Variants in GLDC observed in about 807,000 individuals in gnomAD.
GLDC encodes glycine dehydrogenase (decarboxylating), mitochondrial.
GLDC carries 104 observed loss-of-function variants against 121.3 expected under a neutral mutation model. That is an observed-to-expected ratio of 0.86 (90% CI 0.73 to 1.01). The LOEUF is 1.01. Ranked by LOEUF, GLDC falls within the 50% of genes least tolerant of loss-of-function variation. The pLI is 0.00. For missense variants in GLDC, 1,429 were observed against 1,306.6 expected (o/e 1.09, Z -1.44); for synonymous variants, 546 against 480.6 (o/e 1.14, Z -1.78).
intron 15 of GLDC, among the ~76,000 whole-genome samples, chr9:6,581,836 T>C (rs930503014): frequency 6.6e-6 from 1 of 152,120 alleles, no homozygotes; most frequent in African/African-American, 2.4e-5. Flanking sequence ...AGAGTTGCCT[T>C]TGTGCATCAA....
At chr9:6,553,683 T>C (rs1817560995) in intron 19 of GLDC, among the ~76,000 whole-genome samples, 174 bp from the exon 20 acceptor site, 4 of 152,108 alleles carry the variant, frequency 2.6e-5, no homozygotes, top group Admixed American at 1.3e-4. Flanking sequence ...CCTTCCTTCC[T>C]CCTCTGGTGG....
chr9:6,619,695 T>C (rs1011197771), intron 3 of GLDC, among the ~76,000 whole-genome samples: 2 of 152,138 alleles, frequency 1.3e-5, no homozygotes, highest in East Asian at 1.9e-4. Context: ...ACCACTGCAC[T>C]CCAGACTGGG....
At chr9:6,550,952 A>T in intron 20 of GLDC, 38 bp from the exon 21 acceptor site, 2 of 1,328,846 alleles carry the variant, frequency 1.5e-6, no homozygotes, top group South Asian at 2.3e-5. Flanking sequence ...GCCATTGAAC[A>T]GGCAAACACG....
At chr9:6,590,535 C>G (rs1353006214) in intron 11 of GLDC, among the ~76,000 whole-genome samples, 1 of 152,120 alleles carries the variant, frequency 6.6e-6, no homozygotes, top group East Asian at 1.9e-4. Context: ...CTCTCTCTTC[C>G]TTTTTCTTTT....
At chr9:6,565,625 A>G in intron 15 of GLDC, 196 bp from the exon 16 acceptor site, 3 of 664,282 alleles carry the variant, frequency 4.5e-6, no homozygotes, top group Non-Finnish European at 5.5e-6. Flanking sequence ...AAGCAACAGC[A>G]TCCAGTTTGT....
At chr9:6,552,023 A>G (rs1408235665) in intron 20 of GLDC, among the ~76,000 whole-genome samples, 1 of 152,134 alleles carries the variant, frequency 6.6e-6, no homozygotes, top group African/African-American at 2.4e-5. Flanking sequence ...TCCCCTAAGG[A>G]TTTCGTGCAG....
At chr9:6,558,231 TGTAA>T in intron 17 of GLDC, 1 of 574,322 alleles carries the variant, frequency 1.7e-6, no homozygotes, top group Non-Finnish European at 3.1e-6. Flanking sequence ...CACGAAGATG[TGTAA>T]GTGTGACTGC....
At position 6,592,867 on chromosome 9, in the gene GLDC, A is replaced by G; in HGVS notation, c.1385T>C (p.Leu462Pro). 1 of 1,613,676 alleles carries G rather than the reference A, an allele frequency of 6.2e-7. No homozygotes were observed. Among genetic ancestry groups the G allele is most frequent in the Non-Finnish European group, 8.5e-7 (1 of 1,179,988 alleles). The change falls in exon 10 of 25, where the codon CTT (leucine) becomes CCT (proline). Residue 462 changes from leucine (L) to proline (P), a missense_variant. By Grantham distance (98) the Leu-to-Pro change is moderately conservative. Coordinates refer to ENST00000321612, the MANE Select transcript of GLDC (RefSeq NM_000170.3). ...RAAQRQINFR[L>P]FEDGTLGISL... Reference sequence around the variant, plus strand: ...TTGACTTACTGTGCCATCCTCAAAAAGCCGAAAATTGATCTGCCGCTGAGC... The same window carrying G: ...TTGACTTACTGTGCCATCCTCAAAAGGCCGAAAATTGATCTGCCGCTGAGC...
In GLDC at chr9:6,589,309, G is replaced by C; in HGVS notation, c.1483-17C>G. 6.7e-7 allele frequency: 1 copy of C among 1,487,156 alleles called. No individual in the cohort carries two copies. Among genetic ancestry groups the C allele is most frequent in the Non-Finnish European group, 9.4e-7 (1 of 1,064,108 alleles). The allele number at this position is 1,487,156 out of a possible 1,614,324, so 92.1% of individuals were successfully genotyped here. A position where few individuals can be genotyped will look rare whatever the true frequency, so the allele number is the denominator to read the frequency against. Reference sequence around the variant, plus strand: ...AACCAGTTCCTGAAGGAGAAACACAGAGATGATAGGGCCAGAACTGTGCCT... The same window carrying C: ...AACCAGTTCCTGAAGGAGAAACACACAGATGATAGGGCCAGAACTGTGCCT... On this transcript the variant is annotated splice_polypyrimidine_tract_variant and intron_variant, in intron 11 of 24. Coordinates refer to ENST00000321612, the MANE Select transcript of GLDC (RefSeq NM_000170.3).
At chr9:6,570,236 A>G (rs1030089535) in intron 15 of GLDC, among the ~76,000 whole-genome samples, 1 of 152,244 alleles carries the variant, frequency 6.6e-6, no homozygotes, top group Admixed American at 6.5e-5. Flanking sequence ...TGTGTTCTCA[A>G]ATAGAATGTT....
At chr9:6,630,715 T>C (rs1199521768) in intron 2 of GLDC, among the ~76,000 whole-genome samples, 2 of 152,036 alleles carry the variant, frequency 1.3e-5, no homozygotes, top group Non-Finnish European at 2.9e-5. Flanking sequence ...GGCTGGGGTG[T>C]CAATCAAGAT....
At chr9:6,634,393 G>C (rs1351122208) in intron 2 of GLDC, among the ~76,000 whole-genome samples, 2 of 151,916 alleles carry the variant, frequency 1.3e-5, no homozygotes, top group Non-Finnish European at 2.9e-5. Flanking sequence ...GCCGGGCATG[G>C]TAGCTCACGC....
chr9:6,629,929 C>CTATATATATATATGTATATATATA (rs60994714), intron 2 of GLDC, among the ~76,000 whole-genome samples: 19 of 102,120 alleles, frequency 1.9e-4, no homozygotes, highest in African/African-American at 6.2e-4. Context: ...TTGCTTTTCA[C>CTATATATATATATGTATATATATA]TATATATATA....
chr9:6,644,880 G>A, intron 1 of GLDC, 188 bp from the exon 2 acceptor site: 6 of 642,006 alleles, frequency 9.3e-6, no homozygotes, highest in South Asian at 5.5e-5. Context: ...GTGGGGTGGA[G>A]ATTCCGCCAC....
rs536485302 is a variant in GLDC at position 6,605,733 on chromosome 9, TATGGGTAGGGGG to T, written c.714-467_714-456del. The T allele has an allele frequency of 5.3e-4, 138 of 258,250 alleles. No individual in the cohort carries two copies. The South Asian group carries it at 6.6e-3, about 12-fold the overall frequency. 16.0% of individuals were successfully genotyped at this position (258,250 alleles called of 1,614,324 possible). On this transcript the variant is annotated intron_variant, in intron 5 of 24. Transcript: ENST00000321612. ...AACCCCCCCTCTGAAGGGATGGTGGTATGGGTAGGGGGAAGAATGCTCAACTTTTACAAAGGG... is the reference window on the plus strand; with the variant it reads ...AACCCCCCCTCTGAAGGGATGGTGGTAAGAATGCTCAACTTTTACAAAGGG...
intron 20 of GLDC, among the ~76,000 whole-genome samples, chr9:6,552,934 C>T (rs1312943485): frequency 6.6e-6 from 1 of 151,864 alleles, no homozygotes; most frequent in African/African-American, 2.4e-5. Context: ...CTCTGGCCCC[C>T]CCCAAGAAAT....
chr9:6,602,465 C>T (rs1446971653), intron 7 of GLDC, among the ~76,000 whole-genome samples: 1 of 151,764 alleles, frequency 6.6e-6, no homozygotes, highest in Non-Finnish European at 1.5e-5. Flanking sequence ...CAACCTCTGC[C>T]TTCTGGTTTC....
At position 6,551,101 on chromosome 9, in the gene GLDC, A is replaced by T. The variant is rs192913464; in HGVS notation, c.2458-187T>A. 2.6e-3 allele frequency among the ~76,000 whole-genome samples: 391 copies of T among 152,300 alleles called. 2 individuals are homozygous for T. Among genetic ancestry groups the T allele is most frequent in the African/African-American group, 9.1e-3 (379 of 41,570 alleles). Reference sequence around the variant, plus strand: ...TCAGATCCCTGTAAGCCTGTAATACATTTTTGTTTTCTTCTTTTAATAGTA... The same window carrying T: ...TCAGATCCCTGTAAGCCTGTAATACTTTTTTGTTTTCTTCTTTTAATAGTA... On this transcript the variant is annotated intron_variant, in intron 20 of 24. Transcript: ENST00000321612.
At chr9:6,623,418 C>T (rs1819161670) in intron 2 of GLDC, among the ~76,000 whole-genome samples, 1 of 147,984 alleles carries the variant, frequency 6.8e-6, no homozygotes, top group South Asian at 2.2e-4. Flanking sequence ...TTGAAGGCAG[C>T]ATGCTCGTTA....
Sources: gnomAD v4.1 joint callset for allele counts (sites outside exome capture counted in the v4.1 genomes callset) on GRCh38, gnomAD v4.1.1 for gene constraint, MANE v1.5 for transcripts, NCBI Gene and HGNC (gene_info 2026-07-23, HGNC 2026-07-21) for gene names.